GFRA1: variants seen among roughly 807,000 people sequenced by gnomAD.
GFRA1 encodes the protein GDNF family receptor alpha-1.
Under a neutral mutation model 51.6 loss-of-function variants are expected in GFRA1, and 16 were observed. The ratio of observed to expected loss-of-function variants is 0.31; its 90% CI spans 0.21 to 0.47. The LOEUF (loss-of-function observed/expected upper bound fraction) is 0.47, where lower values mean the gene tolerates loss of function less well. Among genes scored for constraint, GFRA1 ranks in the 20% least tolerant of loss-of-function variants. The probability of loss-of-function intolerance (pLI) is 1.00; values close to 1 mark genes in which losing one functional copy is unlikely to be tolerated. For missense variants in GFRA1, 530 were observed against 594.3 expected (o/e 0.89, Z 1.13); for synonymous variants, 270 against 241.3 (o/e 1.12, Z -1.10).
At chr10:116,129,727 T>C (rs1013700237) in intron 5 of GFRA1, among the ~76,000 whole-genome samples, 5 of 152,088 alleles carry the variant, frequency 3.3e-5, no homozygotes, top group Non-Finnish European at 7.4e-5. Flanking sequence ...AAAGTTAATA[T>C]ACAAAAAGTA....
intron 5 of GFRA1, among the ~76,000 whole-genome samples, chr10:116,152,163 TG>T: frequency 6.6e-6 from 1 of 152,176 alleles, no homozygotes; most frequent in East Asian, 1.9e-4. Context: ...CTAAGTGCAA[TG>T]GGAAATCACG....
intron 5 of GFRA1, among the ~76,000 whole-genome samples, chr10:116,146,287 A>T (rs1253500699): frequency 6.6e-6 from 1 of 152,248 alleles, no homozygotes; most frequent in African/African-American, 2.4e-5. Flanking sequence ...GAGAAATTTA[A>T]ACAGAAAAAA....
At chr10:116,139,767 C>A (rs1156297722) in intron 5 of GFRA1, among the ~76,000 whole-genome samples, 1 of 152,178 alleles carries the variant, frequency 6.6e-6, no homozygotes, top group African/African-American at 2.4e-5. Context: ...AGTGGGGAAG[C>A]GATAGAGGGC....
chr10:116,141,643 G>GTGCAATCTCGGCTCAC (rs1958573369), intron 5 of GFRA1, among the ~76,000 whole-genome samples: 1 of 152,142 alleles, frequency 6.6e-6, no homozygotes, highest in South Asian at 2.1e-4. Flanking sequence ...GAGTGCAGTG[G>GTGCAATCTCGGCTCAC]TGCAATCTCG....
chr10:116,074,434 G>A (rs962288743), intron 9 of GFRA1, among the ~76,000 whole-genome samples: 10 of 152,172 alleles, frequency 6.6e-5, no homozygotes, highest in Non-Finnish European at 2.9e-5. Flanking sequence ...AGCTCAGGCA[G>A]CACAGAATCA....
rs775458966 is a variant in GFRA1, at chr10:116,270,834, G to C, written c.322C>G (p.Gln108Glu). ...GTTCCACGCGTACCCTGCAGGCTCT[G>C]GTACATGCTCCAGTAAATGCGCAGG... ...NCLRIYWSMY[Q>E]SLQGNDLLED... The change falls in exon 3 of 11, where the codon CAG becomes GAG. Residue 108 changes from glutamine (Q) to glutamate (E), a missense_variant. Physicochemically the swap from Gln to Glu is conservative, Grantham distance 29. Transcript: ENST00000355422. 1 of 1,613,268 alleles carries C rather than the reference G, an allele frequency of 6.2e-7. No individual in the cohort carries two copies. Among genetic ancestry groups the C allele is most frequent in the South Asian group, 1.1e-5 (1 of 91,066 alleles).
intron 9 of GFRA1, among the ~76,000 whole-genome samples, chr10:116,084,009 C>A (rs1955976850): frequency 2.0e-5 from 3 of 152,172 alleles, no homozygotes; most frequent in Non-Finnish European, 2.9e-5. Flanking sequence ...GGGAGGCTGG[C>A]AAGGTGTGAA....
intron 5 of GFRA1, among the ~76,000 whole-genome samples, chr10:116,126,280 A>G (rs1270640553): frequency 6.6e-6 from 1 of 152,270 alleles, no homozygotes; most frequent in Non-Finnish European, 1.5e-5. Flanking sequence ...TAGAATTTCA[A>G]TGGGCTCCAG....
At chr10:116,161,333 C>A (rs1304490300) in intron 5 of GFRA1, among the ~76,000 whole-genome samples, 1 of 152,192 alleles carries the variant, frequency 6.6e-6, no homozygotes, top group African/African-American at 2.4e-5. Context: ...TCCTCAGTTT[C>A]TAACTCCCAA....
At chr10:116,271,699 T>C (rs2134841429) in intron 2 of GFRA1, among the ~76,000 whole-genome samples, 1 of 152,214 alleles carries the variant, frequency 6.6e-6, no homozygotes, top group South Asian at 2.1e-4. Flanking sequence ...TCCCAGAGAC[T>C]CTCTGGGGGT....
chr10:116,233,218 C>A (rs1466379842), intron 4 of GFRA1, among the ~76,000 whole-genome samples: 1 of 151,984 alleles, frequency 6.6e-6, no homozygotes, highest in Non-Finnish European at 1.5e-5. Context: ...ATCCCAGCTA[C>A]TCAGGAGGCT....
At chr10:116,194,059 T>A (rs373317514) in intron 5 of GFRA1, among the ~76,000 whole-genome samples, 2,328 of 19,362 alleles carry the variant, frequency 0.12, 67 homozygotes, top group Middle Eastern at 0.25. Flanking sequence ...AATAAATAAA[T>A]AAAATTTAAA....
At chr10:116,236,137 C>A (rs1033068294) in intron 4 of GFRA1, among the ~76,000 whole-genome samples, 3 of 152,132 alleles carry the variant, frequency 2.0e-5, no homozygotes, top group African/African-American at 7.2e-5. Context: ...TTGCTACAAG[C>A]ACATAACCAA....
rs902021687 is a variant in GFRA1, at chr10:116,062,183, A to G, written c.*2215T>C. The G allele has an allele frequency of 2.5e-6, 1 of 398,568 alleles. No homozygotes were observed. The highest frequency in any genetic ancestry group is 4.4e-6 in the Non-Finnish European group (1 of 226,002). The allele number at this position is 398,568 out of a possible 1,614,324, so 24.7% of individuals were successfully genotyped here. On this transcript the variant is annotated 3_prime_UTR_variant, in exon 11 of 11. Coordinates refer to ENST00000355422, the MANE Select transcript of GFRA1 (RefSeq NM_005264.8). ...AGCTGCTGTTACTGCAGAAGTAATC[A>G]GTAGCTTTCTACAGTGGATCACATA...
chr10:116,209,669 G>A (rs2134435003), intron 5 of GFRA1, among the ~76,000 whole-genome samples: 1 of 152,024 alleles, frequency 6.6e-6, no homozygotes, highest in East Asian at 1.9e-4. Context: ...TACAATTCTG[G>A]CCCTGAGTTT....
At chr10:116,090,432 TAAAAA>T (rs35493394) in intron 8 of GFRA1, among the ~76,000 whole-genome samples, 1 of 121,180 alleles carries the variant, frequency 8.3e-6, no homozygotes, top group African/African-American at 3.1e-5. Flanking sequence ...CCAGTTTCTT[TAAAAA>T]AAAAAAAAAA....
intron 5 of GFRA1, among the ~76,000 whole-genome samples, chr10:116,189,707 T>C (rs1180041976): frequency 3.3e-5 from 5 of 152,342 alleles, no homozygotes; most frequent in East Asian, 1.9e-4. Flanking sequence ...CTTCCACTAT[T>C]TTATTTAATG....
intron 5 of GFRA1, among the ~76,000 whole-genome samples, chr10:116,180,512 T>C (rs1486606762): frequency 6.6e-6 from 1 of 152,198 alleles, no homozygotes; most frequent in African/African-American, 2.4e-5. Context: ...AATAACAGAA[T>C]GATATGATTA....
At chr10:116,141,208 C>A (rs907637259) in intron 5 of GFRA1, among the ~76,000 whole-genome samples, 1 of 152,162 alleles carries the variant, frequency 6.6e-6, no homozygotes, top group Non-Finnish European at 1.5e-5. Context: ...GGACAGACAC[C>A]AAGGTGGAGA....
Sources: gnomAD v4.1 joint callset for allele counts (sites outside exome capture counted in the v4.1 genomes callset) on GRCh38, gnomAD v4.1.1 for gene constraint, MANE v1.5 for transcripts, NCBI Gene and HGNC (gene_info 2026-07-23, HGNC 2026-07-21) for gene names.